Variants in ODAD2 observed in about 807,000 individuals in gnomAD.
ODAD2 encodes the protein outer dynein arm-docking complex subunit 2.
ODAD2 carries 89 observed loss-of-function variants against 106.8 expected under a neutral mutation model. That is an observed-to-expected ratio of 0.83 (90% CI 0.70 to 0.99). The LOEUF is 0.99. ODAD2 is among the 50% of genes least tolerant of loss of function. The pLI is 0.00. For synonymous variants in ODAD2, 404 were observed against 436.2 expected (o/e 0.93, Z 0.92); for missense variants, 1,168 against 1,238.5 (o/e 0.94, Z 0.85).
At chr10:27,939,289 A>C (rs1846215620) in intron 14 of ODAD2, among the ~76,000 whole-genome samples, 1 of 152,212 alleles carries the variant, frequency 6.6e-6, no homozygotes, top group South Asian at 2.1e-4. Context: ...TAGGAGACAA[A>C]GATGCATAAG....
At chr10:27,916,892 G>T (rs1450342887) in intron 16 of ODAD2, among the ~76,000 whole-genome samples, 1 of 151,966 alleles carries the variant, frequency 6.6e-6, no homozygotes. Flanking sequence ...TTGTTCAAGG[G>T]ACAGCTCTAG....
rs748090989 is a variant in ODAD2 at position 27,921,831 on chromosome 10, A to ATT, written c.2495+13177_2495+13178dup. On this transcript the variant is annotated intron_variant, in intron 16 of 19. Transcript: ENST00000305242. ...TTATGAAGCAAGGCAATAGAGCAGT[A>ATT]TTTTATTTTTTTTTTTGTAATTTAA... Among the ~76,000 whole-genome samples, 218 of 138,826 alleles carry ATT rather than the reference A, an allele frequency of 1.6e-3. 2 individuals are homozygous for ATT. The highest frequency in any genetic ancestry group is 4.5e-3 in the African/African-American group (160 of 35,822). The allele number at this position is 138,826 out of a possible 152,430, so 91.1% of individuals were successfully genotyped here.
At chr10:27,932,619 T>C (rs1010739113) in intron 16 of ODAD2, among the ~76,000 whole-genome samples, 5 of 152,320 alleles carry the variant, frequency 3.3e-5, no homozygotes, top group Non-Finnish European at 7.4e-5. Context: ...TCTCAGGTTC[T>C]CCATGTTGGC....
At chr10:27,882,233 G>GAAAT (rs1277386934) in intron 17 of ODAD2, among the ~76,000 whole-genome samples, 32 of 145,354 alleles carry the variant, frequency 2.2e-4, no homozygotes, top group South Asian at 2.0e-3. Flanking sequence ...AAGAAAGAAA[G>GAAAT]AAATATGAAC....
In ODAD2 at chr10:27,932,300, A is replaced by G. The variant is rs868144093; in HGVS notation, c.2495+2710T>C. ...TATACTAAAGTGTTGAAATCTCATGAAAGTTATTGAATACTGTACTGAAAT... is the reference window on the plus strand; with the variant it reads ...TATACTAAAGTGTTGAAATCTCATGGAAGTTATTGAATACTGTACTGAAAT... On this transcript the variant is annotated intron_variant, in intron 16 of 19. Transcript: ENST00000305242. Among the ~76,000 whole-genome samples, 9 of 152,246 alleles carry G rather than the reference A, an allele frequency of 5.9e-5. 1 individual carries two copies. The highest frequency in any genetic ancestry group is 6.8e-3 in the Middle Eastern group (2 of 294).
chr10:27,941,595 A>ATTTTTTT (rs1846439557), intron 12 of ODAD2, among the ~76,000 whole-genome samples: 2 of 83,108 alleles, frequency 2.4e-5, no homozygotes, highest in Non-Finnish European at 5.2e-5. Flanking sequence ...GCCAGCATCC[A>ATTTTTTT]GTTTTTTTTT....
intron 7 of ODAD2, among the ~76,000 whole-genome samples, chr10:27,977,138 A>G (rs1849240759): frequency 6.6e-6 from 1 of 152,184 alleles, no homozygotes; most frequent in African/African-American, 2.4e-5. Context: ...AATCTCTAGA[A>G]GAAAACATTG....
intron 2 of ODAD2, among the ~76,000 whole-genome samples, 180 bp from the exon 3 acceptor site, chr10:27,987,723 C>T (rs1010270495): frequency 5.3e-5 from 8 of 151,802 alleles, no homozygotes; most frequent in Non-Finnish European, 1.0e-4. Flanking sequence ...CTCTTAAATC[C>T]TCAAACTTAC....
chr10:27,993,787 T>C (rs1277376285), intron 2 of ODAD2, among the ~76,000 whole-genome samples: 2 of 152,232 alleles, frequency 1.3e-5, no homozygotes, highest in Non-Finnish European at 2.9e-5. Context: ...TCTGACTTTA[T>C]TCTCACAAAT....
At chr10:27,864,602 A>T (rs1343915276) in intron 17 of ODAD2, among the ~76,000 whole-genome samples, 1 of 145,168 alleles carries the variant, frequency 6.9e-6, no homozygotes, top group East Asian at 2.1e-4. Flanking sequence ...GAGAGTGGGG[A>T]GTGAGGTGAG....
intron 19 of ODAD2, among the ~76,000 whole-genome samples, chr10:27,822,318 C>T (rs1394319558): frequency 2.0e-5 from 3 of 152,198 alleles, no homozygotes; most frequent in Non-Finnish European, 4.4e-5. Context: ...TTTGACTTGA[C>T]ATTGTTTGGG....
chr10:27,896,108 T>G (rs2133756874), intron 17 of ODAD2, among the ~76,000 whole-genome samples: 1 of 152,364 alleles, frequency 6.6e-6, no homozygotes, highest in African/African-American at 2.4e-5. Flanking sequence ...GCTGTGTATC[T>G]TCTTCATCTC....
At chr10:27,999,520 G>A (rs1287051659), upstream of ODAD2, among the ~76,000 whole-genome samples, 1 of 152,124 alleles carries the variant, frequency 6.6e-6, no homozygotes, top group Non-Finnish European at 1.5e-5. Flanking sequence ...TAGGGCAGAG[G>A]ATCGGAGTGA....
intron 16 of ODAD2, among the ~76,000 whole-genome samples, chr10:27,927,282 T>C (rs2134018742): frequency 6.6e-6 from 1 of 152,264 alleles, no homozygotes; most frequent in Non-Finnish European, 1.5e-5. Flanking sequence ...TTTATCCTGA[T>C]ATGTGACCCA....
chr10:27,910,050 T>G (rs1843889582), intron 16 of ODAD2, among the ~76,000 whole-genome samples: 1 of 152,118 alleles, frequency 6.6e-6, no homozygotes. Context: ...GTTTTCTATT[T>G]TAGCACCCAA....
chr10:27,844,692 G>T (rs1258113686), intron 19 of ODAD2, among the ~76,000 whole-genome samples: 10 of 152,192 alleles, frequency 6.6e-5, no homozygotes, highest in African/African-American at 9.7e-5. Context: ...AAGACTCTGT[G>T]TAAATGTGCT....
At chr10:27,965,790 T>A (rs555253214) in intron 9 of ODAD2, among the ~76,000 whole-genome samples, 1 of 152,312 alleles carries the variant, frequency 6.6e-6, no homozygotes, top group Non-Finnish European at 1.5e-5. Flanking sequence ...TTACAAAAAT[T>A]GAATTAGTGG....
intron 16 of ODAD2, among the ~76,000 whole-genome samples, chr10:27,934,808 A>G (rs1845849083): frequency 6.6e-6 from 1 of 152,132 alleles, no homozygotes; most frequent in Admixed American, 6.6e-5. Flanking sequence ...TCCCAATATG[A>G]CCAACTTAGC....
chr10:27,852,114 T>C (rs774488987), intron 19 of ODAD2, among the ~76,000 whole-genome samples: 1 of 152,210 alleles, frequency 6.6e-6, no homozygotes, highest in Non-Finnish European at 1.5e-5. Flanking sequence ...TAAAAAGTCT[T>C]TTTTAGATAT....
Sources: allele counts gnomAD v4.1 joint callset (sites outside exome capture counted in the v4.1 genomes callset), GRCh38; gene constraint gnomAD v4.1.1; transcripts MANE v1.5; gene names NCBI Gene and HGNC (gene_info 2026-07-23, HGNC 2026-07-21).